OXA1L: variants seen among roughly 807,000 people sequenced by gnomAD.
The protein encoded by OXA1L is OXA1L mitochondrial inner membrane insertase, also known as mitochondrial inner membrane protein OXA1L.
Under a neutral mutation model 52.2 loss-of-function variants are expected in OXA1L, and 42 were observed. The observed-to-expected ratio is 0.80, with a 90% CI of 0.63 to 1.04. OXA1L has a LOEUF of 1.04. OXA1L is among the 50% of genes least tolerant of loss of function. OXA1L has a pLI of 0.00. For missense variants in OXA1L, 572 were observed against 555.0 expected (o/e 1.03, Z -0.31); for synonymous variants, 239 against 201.9 (o/e 1.18, Z -1.56).
rs1212178099 is a variant in OXA1L, at chr14:22,772,307, AC to A, written c.*753del. 1.4e-5 allele frequency: 2 copies of A among 141,208 alleles called. No individual in the cohort carries two copies. The highest frequency in any genetic ancestry group is 2.4e-4 in the South Asian group (1 of 4,090). 8.7% of individuals were successfully genotyped at this position (141,208 alleles called of 1,614,324 possible). ...AGACCATCCTGGCCAACATGGTGAA[AC>A]CCCGTCTCTACTAAAAAAAAAAAAA... is the stretch of plus-strand genomic sequence containing the variant. On this transcript the variant is annotated 3_prime_UTR_variant, in exon 10 of 10. Coordinates refer to ENST00000612549, the MANE Select transcript of OXA1L (RefSeq NM_005015.5).
chr14:22,771,325 A>C lies in OXA1L; in HGVS notation c.1160A>C (p.Asn387Thr). 6.2e-7 allele frequency: 1 copy of C among 1,614,208 alleles called. No individual in the cohort carries two copies. Residue 387 changes from asparagine (N) to threonine (T), a missense_variant, in exon 9 of 10, where the codon AAT becomes ACT. Physicochemically the swap from Asn to Thr is moderately conservative, Grantham distance 65. Around this residue, in one of 5 missense-constraint regions of OXA1L, gnomAD observed 244 missense variants for 240.2 expected, o/e 1.02. Transcript: ENST00000612549. ...QLREREQRMR[N>T]QLELAARGPL... ...CGAGAGCGTGAACAACGCATGCGGA[A>C]TCAGTTGGAGCTAGCAGCCAGGGGT...
chr14:22,771,372 T>A, intron 9 of OXA1L, 24 bp downstream of exon 9: 1 of 1,613,866 alleles, frequency 6.2e-7, no homozygotes, highest in Non-Finnish European at 8.5e-7. Context: ...TCAGGCCAAA[T>A]TCTGTCTTTT....
chr14:22,770,669 G>C, intron 6 of OXA1L, 44 bp downstream of exon 6: 1 of 1,596,040 alleles, frequency 6.3e-7, no homozygotes, highest in African/African-American at 1.3e-5. Context: ...AAGTGAACTG[G>C]GGTTGGAGGG....
Position 22,771,193 on chromosome 14 carries a change from C to A in OXA1L, c.1102+13C>A, listed in dbSNP as rs764145325. The A allele has an allele frequency of 6.2e-7, 1 of 1,613,680 alleles. No homozygotes were observed. Among genetic ancestry groups the A allele is most frequent in the Non-Finnish European group, 8.5e-7 (1 of 1,179,662 alleles). On this transcript the variant is annotated intron_variant, in intron 8 of 9. Coordinates refer to ENST00000612549, the MANE Select transcript of OXA1L (RefSeq NM_005015.5). The stretch of plus-strand genomic sequence containing the variant: ...AGCTTCAAAAAAGGTAAGGGCTCAT[C>A]CTCTGTGAAAAAGGACTAGGGAAAG...
intron 3 of OXA1L, chr14:22,768,484 A>T (rs951565958): frequency 1.5e-5 from 5 of 337,458 alleles, no homozygotes; most frequent in Non-Finnish European, 2.8e-5. Flanking sequence ...AGGCACTTAA[A>T]CCCCTAAATT....
Position 22,769,815 on chromosome 14 carries a change from T to A in OXA1L, c.464T>A (p.Ile155Asn), listed in dbSNP as rs1222956681. ...AACTVFARCL[I>N]FPLIVTGQRE... ...GGTACAGTCTTTGCCCGCTGCCTGA[T>A]TTTTCCTCTCATCGTGACGGGCCAG... is the stretch of plus-strand genomic sequence containing the variant. The change falls in exon 4 of 10, where the codon ATT becomes AAT. Residue 155 changes from isoleucine to asparagine, a missense_variant. This residue lies in a region of OXA1L where 132 missense variants were observed against 124.0 expected (regional missense o/e 1.06). Coordinates refer to ENST00000612549, the MANE Select transcript of OXA1L (RefSeq NM_005015.5). 14 of 1,614,050 alleles carry A rather than the reference T, an allele frequency of 8.7e-6. No individual in the cohort carries two copies. Among genetic ancestry groups the A allele is most frequent in the Non-Finnish European group, 1.1e-5 (13 of 1,180,024 alleles).
chr14:22,770,152 G>A, intron 4 of OXA1L, 41 bp from the exon 5 acceptor site: 1 of 1,465,830 alleles, frequency 6.8e-7, no homozygotes, highest in East Asian at 2.3e-5. Flanking sequence ...CTCCACTGAT[G>A]TAACTGTTAC....
chr14:22,770,037 G>A lies in OXA1L; in HGVS notation c.583+103G>A, dbSNP rs561324614. 854 of 1,483,738 alleles carry A rather than the reference G, an allele frequency of 5.8e-4. 10 individuals are homozygous for A. The South Asian group carries it at 8.9e-3, about 15-fold the overall frequency. The allele number at this position is 1,483,738 out of a possible 1,614,324, so 91.9% of individuals were successfully genotyped here. On this transcript the variant is annotated intron_variant, in intron 4 of 9. Transcript: ENST00000612549. ...ATGTAAATCAGAAGTTGCCACAGTC[G>A]GGAAAGTTCTAAAGGTTTATCTGTT...
Position 22,767,334 on chromosome 14 carries a change from C to T in OXA1L, c.150C>T (p.Arg50=), listed in dbSNP as rs763491487. ...TCCCAGCAGCCCCGTGCTGCTGTCG[C>T]CCACACTACCTCTTCCTTGCGGCTT... ...LLFPAAPCCC[R]PHYLFLAASG... The change falls in exon 2 of 10, where the codon CGC becomes CGT. Residue 50 remains arginine, a synonymous_variant. Transcript: ENST00000612549. The T allele has an allele frequency of 1.2e-5, 19 of 1,613,792 alleles. No homozygotes were observed. The highest frequency in any genetic ancestry group is 1.3e-5 in the African/African-American group (1 of 74,938).
In OXA1L at chr14:22,769,872, C is replaced by T. The variant is rs1471103902; in HGVS notation, c.521C>T (p.Pro174Leu). The T allele has an allele frequency of 1.2e-6, 2 of 1,614,110 alleles. No individual in the cohort carries two copies. The highest frequency in any genetic ancestry group is 1.6e-4 in the Middle Eastern group (1 of 6,062). The stretch of plus-strand genomic sequence containing the variant: ...GCAGCCAGGATCCACAATCACTTGC[C>T]AGAGATCCAGAAGTTTTCCAGTCGA... ...REAARIHNHL[P>L]EIQKFSSRIR... Residue 174 changes from proline (P) to leucine (L), a missense_variant, in exon 4 of 10, where the codon CCA (proline) becomes CTA (leucine). This residue lies in a region of OXA1L where 132 missense variants were observed against 124.0 expected (regional missense o/e 1.06). Coordinates refer to ENST00000612549, the MANE Select transcript of OXA1L (RefSeq NM_005015.5).
rs1324340391 is a variant in OXA1L at position 22,772,321 on chromosome 14, A to G, written c.*763A>G. The G allele has an allele frequency of 2.8e-4, 7 of 25,262 alleles. No homozygotes were observed. The highest frequency in any genetic ancestry group is 5.7e-4 in the Non-Finnish European group (6 of 10,556). 1.6% of individuals were successfully genotyped at this position (25,262 alleles called of 1,614,324 possible). A position where few individuals can be genotyped will look rare whatever the true frequency, so the allele number is the denominator to read the frequency against. On this transcript the variant is annotated 3_prime_UTR_variant, in exon 10 of 10. Transcript: ENST00000612549. ...AACATGGTGAAACCCCGTCTCTACT[A>G]AAAAAAAAAAAAAAAAAATTAGCCG... is the stretch of plus-strand genomic sequence containing the variant.
chr14:22,772,724 A>G lies in OXA1L; in HGVS notation c.*1166A>G, dbSNP rs1048685075. ...AAGAATGAAAGTTCCAGGCTGGGCA[A>G]AGTGGCTCACACCTATAATCTCAGC... On this transcript the variant is annotated 3_prime_UTR_variant, in exon 10 of 10. Transcript: ENST00000612549. 5 of 152,100 alleles carry G rather than the reference A, an allele frequency of 3.3e-5. No individual in the cohort carries two copies. Among genetic ancestry groups the G allele is most frequent in the Admixed American group, 2.6e-4 (4 of 15,272 alleles). The allele number at this position is 152,100 out of a possible 1,614,324, so 9.4% of individuals were successfully genotyped here.
chr14:22,770,367 A>G, intron 5 of OXA1L, 89 bp downstream of exon 5: 1 of 1,542,528 alleles, frequency 6.5e-7, no homozygotes, highest in Non-Finnish European at 8.9e-7. Flanking sequence ...CCCAAAAAAC[A>G]GGTGGTGGTG....
rs2038442588 is a variant in OXA1L, at chr14:22,769,853, A to G, written c.502A>G (p.Arg168Gly). 2 of 1,614,064 alleles carry G rather than the reference A, an allele frequency of 1.2e-6. No individual in the cohort carries two copies. Among genetic ancestry groups the G allele is most frequent in the African/African-American group, 1.3e-5 (1 of 74,910 alleles). Residue 168 changes from arginine (R) to glycine (G), a missense_variant, in exon 4 of 10, where the codon AGG becomes GGG. This residue lies in a region of OXA1L where 132 missense variants were observed against 124.0 expected (regional missense o/e 1.06). Transcript: ENST00000612549. ...CGTGACGGGCCAGCGAGAGGCAGCC[A>G]GGATCCACAATCACTTGCCAGAGAT... ...LIVTGQREAARIHNHLPEIQK... is the reference protein window; with the variant it reads ...LIVTGQREAAGIHNHLPEIQK...
At position 22,771,266 on chromosome 14, in the gene OXA1L, A is replaced by G. The variant is rs2038458775; in HGVS notation, c.1103-2A>G. 1.2e-6 allele frequency: 2 copies of G among 1,613,910 alleles called. No homozygotes were observed. The highest frequency in any genetic ancestry group is 1.7e-6 in the Non-Finnish European group (2 of 1,179,882). On this transcript the variant is annotated splice_acceptor_variant, in intron 8 of 9. Coordinates refer to ENST00000612549, the MANE Select transcript of OXA1L (RefSeq NM_005015.5). LOFTEE classifies it high-confidence loss of function. Reference sequence around the variant, plus strand: ...CTGACTCTCTTGCTTCTCTTTACACAGGCTGGAAAAATGCTGAAATGACGC... The same window carrying G: ...CTGACTCTCTTGCTTCTCTTTACACGGGCTGGAAAAATGCTGAAATGACGC...
Position 22,771,437 on chromosome 14 carries a change from C to T in OXA1L, c.1187C>T (p.Pro396Leu), listed in dbSNP as rs1221307712. The change falls in exon 10 of 10, where the codon CCT (proline) becomes CTT (leucine). Residue 396 changes from proline (P) to leucine (L), a missense_variant. Pro to Leu is a moderately conservative substitution (Grantham distance 98). Around this residue, in one of 5 missense-constraint regions of OXA1L, gnomAD observed 244 missense variants for 240.2 expected, o/e 1.02. Coordinates refer to ENST00000612549, the MANE Select transcript of OXA1L (RefSeq NM_005015.5). ...RNQLELAARG[P>L]LRQTFTHNPL... is the part of the protein sequence containing the mutation. ...TTGTTTTCTCTTCTCCCCTCAGGTC[C>T]TTTACGACAGACCTTTACCCACAAC... is the stretch of plus-strand genomic sequence containing the variant. 1.2e-6 allele frequency: 2 copies of T among 1,614,200 alleles called. No individual in the cohort carries two copies. The highest frequency in any genetic ancestry group is 3.3e-5 in the Admixed American group (2 of 60,018).
Position 22,767,702 on chromosome 14 carries a change from G to A in OXA1L, c.226-256G>A, listed in dbSNP as rs113012450. On this transcript the variant is annotated intron_variant, in intron 2 of 9. Transcript: ENST00000612549. ...TGATAGTGATATTCAAATGGCTGAA[G>A]TTTGGAAAACAGTGATAAAAGAAAT... 1,385 of 494,602 alleles carry A rather than the reference G, an allele frequency of 2.8e-3. 11 individuals carry two copies. The highest frequency in any genetic ancestry group is 0.013 in the South Asian group (340 of 26,912). 30.6% of individuals were successfully genotyped at this position (494,602 alleles called of 1,614,324 possible).
At chr14:22,771,226 A>G (rs2038457790) in intron 8 of OXA1L, 42 bp from the exon 9 acceptor site, 4 of 1,613,136 alleles carry the variant, frequency 2.5e-6, no homozygotes, top group Non-Finnish European at 3.4e-6. Flanking sequence ...AAGGGGTCTA[A>G]AAATAGGAAT....
intron 9 of OXA1L, 43 bp downstream of exon 9, chr14:22,771,391 C>G (rs905807970): frequency 1.2e-6 from 2 of 1,613,874 alleles, no homozygotes; most frequent in African/African-American, 2.7e-5. Flanking sequence ...TTGTTTCTTC[C>G]TTTCTGTTCT....
Sources: gnomAD v4.1 joint callset for allele counts on GRCh38, gnomAD v4.1.1 for gene constraint, gnomAD v4.1.1 regional missense constraint, MANE v1.5 for transcripts, NCBI Gene and HGNC (gene_info 2026-07-23, HGNC 2026-07-21) for gene names.